Variants in ACAP2 observed in about 807,000 individuals in gnomAD.
ACAP2 encodes ArfGAP with coiled-coil, ankyrin repeat and PH domains 2, also known as arf-GAP with coiled-coil, ANK repeat and PH domain-containing protein 2.
ACAP2 carries 39 observed loss-of-function variants against 115.8 expected under a neutral mutation model. The ratio of observed to expected loss-of-function variants is 0.34; its 90% CI spans 0.26 to 0.44. ACAP2 has a LOEUF of 0.44. Among genes scored for constraint, ACAP2 ranks in the 20% least tolerant of loss-of-function variants. The pLI is 1.00. For missense variants in ACAP2, 662 were observed against 927.6 expected (o/e 0.71, Z 3.72); for synonymous variants, 289 against 315.8 (o/e 0.92, Z 0.90).
At chr3:195,349,220 G>A (rs145078184) in intron 4 of ACAP2, among the ~76,000 whole-genome samples, 150 of 152,002 alleles carry the variant, frequency 9.9e-4, no homozygotes, top group Middle Eastern at 6.8e-3. Context: ...TGTGGCTCAC[G>A]CCTGTAATCC....
At chr3:195,350,639 A>G (rs1482105567) in intron 4 of ACAP2, among the ~76,000 whole-genome samples, 2 of 144,906 alleles carry the variant, frequency 1.4e-5, no homozygotes, top group Non-Finnish European at 3.0e-5. Flanking sequence ...ACAAAGCAAG[A>G]CTGTCTCAGG....
intron 6 of ACAP2, among the ~76,000 whole-genome samples, chr3:195,339,644 G>A (rs1730741107): frequency 4.6e-5 from 7 of 151,778 alleles, no homozygotes; most frequent in Admixed American, 4.6e-4. Context: ...TGAAATAAAG[G>A]CCATAAAATG....
intron 8 of ACAP2, among the ~76,000 whole-genome samples, chr3:195,331,263 C>T (rs1560251611): frequency 6.6e-6 from 1 of 152,142 alleles, no homozygotes; most frequent in African/African-American, 2.4e-5. Context: ...CAAACCACAA[C>T]TCACATATAC....
chr3:195,321,216 CTTTTTTTTT>C (rs34165362), intron 9 of ACAP2, among the ~76,000 whole-genome samples: 1 of 102,244 alleles, frequency 9.8e-6, no homozygotes, highest in East Asian at 3.7e-4. Flanking sequence ...TTTATCACAA[CTTTTTTTTT>C]TTTTTTTTTT....
chr3:195,315,657 T>C (rs1195676706), intron 10 of ACAP2, among the ~76,000 whole-genome samples: 1 of 152,178 alleles, frequency 6.6e-6, no homozygotes, highest in African/African-American at 2.4e-5. Flanking sequence ...CTCCATTTCT[T>C]TACTGAAAAT....
In ACAP2 at chr3:195,297,095, A is replaced by C; in HGVS notation, c.1487+95T>G. The C allele has an allele frequency of 3.6e-6, 4 of 1,103,342 alleles. No homozygotes were observed. In the South Asian group the frequency reaches 5.6e-5, roughly 15 times the overall value. 68.3% of individuals were successfully genotyped at this position (1,103,342 alleles called of 1,614,324 possible). On this transcript the variant is annotated intron_variant, in intron 16 of 22. Coordinates refer to ENST00000326793, the MANE Select transcript of ACAP2 (RefSeq NM_012287.6). ...AACAGAAGTGGTAATGACTGCTTCT[A>C]AACACTTTGTCTCAATGTTATATAT...
chr3:195,362,435 G>A (rs1296984448), intron 4 of ACAP2, among the ~76,000 whole-genome samples: 2 of 151,724 alleles, frequency 1.3e-5, no homozygotes, highest in African/African-American at 4.8e-5. Context: ...AAACTATTCT[G>A]AAAAATAGCA....
At position 195,320,783 on chromosome 3, in the gene ACAP2, A is replaced by T; in HGVS notation, c.775T>A (p.Tyr259Asn). ...DFSSDDSKLE[Y>N]NVDAANGIVM... ...ATGCCATTTGCAGCATCTACGTTAT[A>T]TTCTAACTTAGAATCATCACTGGAG... Residue 259 changes from tyrosine to asparagine, a missense_variant, in exon 10 of 23, where the codon TAT becomes AAT. Coordinates refer to ENST00000326793, the MANE Select transcript of ACAP2 (RefSeq NM_012287.6). 1 of 1,613,482 alleles carries T rather than the reference A, an allele frequency of 6.2e-7. No individual in the cohort carries two copies. Among genetic ancestry groups the T allele is most frequent in the East Asian group, 2.2e-5 (1 of 44,780 alleles).
chr3:195,392,094 T>C lies in ACAP2; in HGVS notation c.107A>G (p.Asp36Gly). The C allele has an allele frequency of 1.9e-6, 3 of 1,612,250 alleles. No individual in the cohort carries two copies. Among genetic ancestry groups the C allele is most frequent in the Non-Finnish European group, 2.5e-6 (3 of 1,179,118 alleles). ...GDVAELELKL[D>G]KLVKLCIAMI... is the part of the protein sequence containing the mutation. ...AAGCTAACTTGTAAAATTTACCTTA[T>C]CAAGTTTTAGTTCCAATTCTGCCAC... Residue 36 changes from aspartate to glycine, a missense_variant, in exon 2 of 23, where the codon GAT (aspartate) becomes GGT (glycine). Physicochemically the swap from Asp to Gly is moderately conservative, Grantham distance 94 (BLOSUM62 -1). This residue lies in a region of ACAP2 where 401 missense variants were observed against 604.4 expected (regional missense o/e 0.66). Transcript: ENST00000326793.
intron 15 of ACAP2, among the ~76,000 whole-genome samples, chr3:195,297,867 T>C (rs1727756513): frequency 2.0e-5 from 3 of 152,210 alleles, no homozygotes; most frequent in Non-Finnish European, 4.4e-5. Flanking sequence ...CCTTTCCATC[T>C]GTTACTCACC....
At position 195,392,151 on chromosome 3, in the gene ACAP2, G is replaced by GA; in HGVS notation, c.54-5dup. ...TTCTACTTCTTCCAAAGCTGCCCTA[G>GA]AAAAATTAAATATAAAATAAGTTAT... is the stretch of plus-strand genomic sequence containing the variant. On this transcript the variant is annotated splice_polypyrimidine_tract_variant and splice_region_variant and intron_variant, in intron 1 of 22. Coordinates refer to ENST00000326793, the MANE Select transcript of ACAP2 (RefSeq NM_012287.6). The GA allele has an allele frequency of 1.2e-6, 2 of 1,608,474 alleles. No individual in the cohort carries two copies. The highest frequency in any genetic ancestry group is 1.7e-6 in the Non-Finnish European group (2 of 1,176,412).
At chr3:195,436,873 T>C (rs1229715922) in intron 1 of ACAP2, among the ~76,000 whole-genome samples, 3 of 152,150 alleles carry the variant, frequency 2.0e-5, no homozygotes, top group African/African-American at 7.2e-5. Context: ...TTAGATTATC[T>C]GCTACAATCA....
chr3:195,292,403 A>C lies in ACAP2; in HGVS notation c.1815T>G (p.Asn605Lys). The C allele has an allele frequency of 6.2e-7, 1 of 1,613,206 alleles. No homozygotes were observed. Among genetic ancestry groups the C allele is most frequent in the Non-Finnish European group, 8.5e-7 (1 of 1,179,808 alleles). The part of the protein sequence containing the change: ...SSMFLDSKHL[N>K]PGLQLYRASY... ...ACGCCCTATAAAGCTGAAGTCCTGG[A>C]TTAAGATGTTTCGAGTCAAGAAACA... Residue 605 changes from asparagine to lysine, a missense_variant, in exon 19 of 23, where the codon AAT becomes AAG. Asn to Lys is a moderately conservative substitution (Grantham distance 94). This residue lies in a region of ACAP2 where 133 missense variants were observed against 123.1 expected (regional missense o/e 1.08). Transcript: ENST00000326793.
At chr3:195,413,188 C>T (rs554360395) in intron 1 of ACAP2, among the ~76,000 whole-genome samples, 223 of 152,188 alleles carry the variant, frequency 1.5e-3, no homozygotes, top group Middle Eastern at 6.8e-3. Context: ...AATTGTATTG[C>T]TATTGCCGTA....
chr3:195,390,911 A>G (rs562614919), intron 2 of ACAP2, among the ~76,000 whole-genome samples: 1 of 152,296 alleles, frequency 6.6e-6, no homozygotes, highest in East Asian at 1.9e-4. Flanking sequence ...AAGCTGTCTT[A>G]CTCATTCTAC....
At chr3:195,317,327 T>C (rs1276045691) in intron 10 of ACAP2, among the ~76,000 whole-genome samples, 1 of 152,200 alleles carries the variant, frequency 6.6e-6, no homozygotes, top group African/African-American at 2.4e-5. Flanking sequence ...ACTAGGAAAT[T>C]ATATTTACTT....
At chr3:195,374,705 C>CCTTTTCTTTTCTTTTCTTTT (rs60052147) in intron 4 of ACAP2, among the ~76,000 whole-genome samples, 4 of 150,918 alleles carry the variant, frequency 2.7e-5, no homozygotes, top group South Asian at 2.1e-4. Flanking sequence ...ATGCAGAAGA[C>CCTTTTCTTTTCTTTTCTTTT]CTTTTCTTTT....
chr3:195,309,598 GTGCTT>G (rs1004553629), intron 10 of ACAP2, among the ~76,000 whole-genome samples: 5 of 151,456 alleles, frequency 3.3e-5, no homozygotes, highest in Admixed American at 3.3e-4. Context: ...GAAATAAATT[GTGCTT>G]TATTTTCAAC....
At chr3:195,357,686 T>C (rs1284001645) in intron 4 of ACAP2, 1 of 152,238 alleles carries the variant, frequency 6.6e-6, no homozygotes, top group African/African-American at 2.4e-5. Flanking sequence ...AACAAGAGTC[T>C]CTACCTGGTA....
Sources: allele counts gnomAD v4.1 joint callset (sites outside exome capture counted in the v4.1 genomes callset), GRCh38; gene constraint gnomAD v4.1.1; regional missense constraint gnomAD v4.1.1; transcripts MANE v1.5; gene names NCBI Gene and HGNC (gene_info 2026-07-23, HGNC 2026-07-21).